LOXL1: variants seen among roughly 807,000 people sequenced by gnomAD.
LOXL1 encodes the protein lysyl oxidase homolog 1.
In LOXL1, 31 loss-of-function variants were observed where a neutral mutation model predicts 62.2. The observed-to-expected ratio is 0.50, with a 90% CI of 0.37 to 0.67. The LOEUF is 0.67. LOXL1 is among the 30% of genes least tolerant of loss of function. LOXL1 has a pLI of 0.00. For synonymous variants in LOXL1, 403 were observed against 384.4 expected (o/e 1.05, Z -0.56); for missense variants, 775 against 843.4 (o/e 0.92, Z 1.00).
chr15:73,938,603 T>C (rs2068692601), intron 1 of LOXL1, among the ~76,000 whole-genome samples: 2 of 152,036 alleles, frequency 1.3e-5, no homozygotes, highest in Admixed American at 6.5e-5. Context: ...CCTAGCTACT[T>C]GGGAAGCTGA....
chr15:73,947,810 C>G lies in LOXL1; in HGVS notation c.1510C>G (p.Leu504Val). Residue 504 changes from leucine to valine, a missense_variant, in exon 5 of 7, where the codon CTG becomes GTG. Leu to Val is a conservative substitution (Grantham distance 32). Coordinates refer to ENST00000261921, the MANE Select transcript of LOXL1 (RefSeq NM_005576.4). ...GCTCCTCTTGTCCCTTTCCCAGGGC[C>G]TGAGCCCAGGCTGCTATGACACCTA... ...RYACTSHTQG[L>V]SPGCYDTYNA... The G allele has an allele frequency of 6.2e-7, 1 of 1,610,212 alleles. No individual in the cohort carries two copies. The highest frequency in any genetic ancestry group is 1.7e-5 in the Admixed American group (1 of 59,706).
chr15:73,942,435 C>G (rs1314966640), intron 1 of LOXL1, among the ~76,000 whole-genome samples: 1 of 152,038 alleles, frequency 6.6e-6, no homozygotes, highest in Non-Finnish European at 1.5e-5. Context: ...GGGCTGCTGT[C>G]CAGAGGCCTG....
rs574239641 is a variant in LOXL1 at position 73,927,919 on chromosome 15, G to T, written c.1102+34G>T. 110 of 1,296,472 alleles carry T rather than the reference G, an allele frequency of 8.5e-5. No individual in the cohort carries two copies. The African/African-American group carries it at 1.6e-3, about 19-fold the overall frequency. 80.3% of individuals were successfully genotyped at this position (1,296,472 alleles called of 1,614,324 possible). Reference sequence around the variant, plus strand: ...GGCCCCGGCGCCCCTCCGGCCGCGCGTACCCCTGGCCACTGGAAACTGCTC... The same window carrying T: ...GGCCCCGGCGCCCCTCCGGCCGCGCTTACCCCTGGCCACTGGAAACTGCTC... On this transcript the variant is annotated intron_variant, in intron 1 of 6. Transcript: ENST00000261921.
chr15:73,931,357 G>A (rs1360499676), intron 1 of LOXL1, among the ~76,000 whole-genome samples: 1 of 152,122 alleles, frequency 6.6e-6, no homozygotes, highest in East Asian at 1.9e-4. Flanking sequence ...TCCCTCTTCA[G>A]TCTGTCCTGC....
intron 2 of LOXL1, among the ~76,000 whole-genome samples, chr15:73,943,455 G>A (rs2068728461): frequency 6.6e-6 from 1 of 152,202 alleles, no homozygotes; most frequent in Non-Finnish European, 1.5e-5. Flanking sequence ...TGTGGCTTTG[G>A]CTGGTCCAGG....
chr15:73,927,589 G>A lies in LOXL1; in HGVS notation c.806G>A (p.Gly269Asp), dbSNP rs1233658421. 2.0e-6 allele frequency: 3 copies of A among 1,502,152 alleles called. No individual in the cohort carries two copies. Among genetic ancestry groups the A allele is most frequent in the Admixed American group, 2.1e-5 (1 of 46,982 alleles). The allele number at this position is 1,502,152 out of a possible 1,614,324, so 93.1% of individuals were successfully genotyped here. A position where few individuals can be genotyped will look rare whatever the true frequency, so the allele number is the denominator to read the frequency against. The change falls in exon 1 of 7, where the codon GGC becomes GAC. Residue 269 changes from glycine (G) to aspartate (D), a missense_variant. Gly to Asp is a moderately conservative substitution (Grantham distance 94). Coordinates refer to ENST00000261921, the MANE Select transcript of LOXL1 (RefSeq NM_005576.4). ...CCGCCGCCGCCGCCGCCCCCCGACGGCCTGGACCGCCGCTACTCGCACAGT... is the reference window on the plus strand; with the variant it reads ...CCGCCGCCGCCGCCGCCCCCCGACGACCTGGACCGCCGCTACTCGCACAGT... ...YVPPPPPPPD[G>D]LDRRYSHSLY...
At chr15:73,928,059 T>A in intron 1 of LOXL1, 174 bp downstream of exon 1, 1 of 501,598 alleles carries the variant, frequency 2.0e-6, no homozygotes, top group Non-Finnish European at 3.2e-6. Flanking sequence ...CCCCCTGGCA[T>A]CTCACCTCCC....
chr15:73,934,814 C>T (rs146641877), intron 1 of LOXL1, among the ~76,000 whole-genome samples: 9 of 152,206 alleles, frequency 5.9e-5, no homozygotes, highest in South Asian at 2.1e-4. Flanking sequence ...TAAGGAAGAT[C>T]GGGAGTGTAG....
intron 1 of LOXL1, among the ~76,000 whole-genome samples, chr15:73,938,817 G>A (rs2068694003): frequency 6.6e-6 from 1 of 152,168 alleles, no homozygotes; most frequent in Non-Finnish European, 1.5e-5. Context: ...GGAGATCAAG[G>A]CTGCAGTTAG....
intron 1 of LOXL1, among the ~76,000 whole-genome samples, chr15:73,938,693 TG>T (rs2068693317): frequency 6.6e-6 from 1 of 152,174 alleles, no homozygotes; most frequent in African/African-American, 2.4e-5. Flanking sequence ...CCTGGGCTGA[TG>T]GTTTCCCCTG....
At chr15:73,947,344 G>A (rs903388340) in intron 4 of LOXL1, 121 bp downstream of exon 4, 2 of 1,127,384 alleles carry the variant, frequency 1.8e-6, no homozygotes, top group Non-Finnish European at 2.5e-6. Context: ...TGCTCACAGT[G>A]AAGGTCTTCT....
At chr15:73,941,917 A>G in intron 1 of LOXL1, 1 of 229,576 alleles carries the variant, frequency 4.4e-6, no homozygotes, top group South Asian at 3.8e-5. Flanking sequence ...AGGAAGGTGG[A>G]GGGGCAGGAA....
rs932027036 is a variant in LOXL1 at position 73,928,625 on chromosome 15, A to C, written c.1102+740A>C. On this transcript the variant is annotated intron_variant, in intron 1 of 6. Transcript: ENST00000261921. ...GCAAAAAAAAAAAAAAAAAAAAAAA[A>C]CCTGTGATAAAGGAAATATCCAGAT... Among the ~76,000 whole-genome samples, 18 of 127,658 alleles carry C rather than the reference A, an allele frequency of 1.4e-4. No homozygotes were observed. In the East Asian group the frequency reaches 2.1e-3, roughly 15 times the overall value. 83.7% of individuals were successfully genotyped at this position (127,658 alleles called of 152,430 possible). A position where few individuals can be genotyped will look rare whatever the true frequency, so the allele number is the denominator to read the frequency against.
intron 1 of LOXL1, among the ~76,000 whole-genome samples, chr15:73,935,636 C>T (rs2068665557): frequency 2.0e-5 from 3 of 152,098 alleles, no homozygotes; most frequent in Admixed American, 2.0e-4. Context: ...AGGAAATGTG[C>T]ATTAGGTGTG....
At chr15:73,943,379 C>A (rs2068727967) in intron 2 of LOXL1, among the ~76,000 whole-genome samples, 1 of 152,166 alleles carries the variant, frequency 6.6e-6, no homozygotes. Context: ...CCAAGGAAGT[C>A]CTATTGGGTG....
rs530941942 is a variant in LOXL1, at chr15:73,951,294, G to A, written c.1719-537G>A. On this transcript the variant is annotated intron_variant, in intron 6 of 6. Coordinates refer to ENST00000261921, the MANE Select transcript of LOXL1 (RefSeq NM_005576.4). Reference sequence around the variant, plus strand: ...CCTCCCAGCTCCCCGGGGGCCTGTGGGCAGCAGGGGGAGCCAAAGCCCTTC... The same window carrying A: ...CCTCCCAGCTCCCCGGGGGCCTGTGAGCAGCAGGGGGAGCCAAAGCCCTTC... Among the ~76,000 whole-genome samples the A allele has an allele frequency of 3.9e-5, 6 of 152,300 alleles. No individual in the cohort carries two copies. In the South Asian group the frequency reaches 1.2e-3, roughly 32 times the overall value.
In LOXL1 at chr15:73,951,867, C is replaced by T. The variant is rs781099798; in HGVS notation, c.*30C>T. ...CGGGAGGGACAGATGGCCAATCTCT[C>T]CCCTTCCAAAGCAGGCCCTGCTCCC... On this transcript the variant is annotated 3_prime_UTR_variant, in exon 7 of 7. Coordinates refer to ENST00000261921, the MANE Select transcript of LOXL1 (RefSeq NM_005576.4). 1.2e-5 allele frequency: 19 copies of T among 1,523,576 alleles called. No homozygotes were observed. In the South Asian group the frequency reaches 2.0e-4, roughly 16 times the overall value. The allele number at this position is 1,523,576 out of a possible 1,614,324, so 94.4% of individuals were successfully genotyped here. A position where few individuals can be genotyped will look rare whatever the true frequency, so the allele number is the denominator to read the frequency against.
intron 5 of LOXL1, among the ~76,000 whole-genome samples, chr15:73,948,781 T>C (rs1203147064): frequency 6.6e-6 from 1 of 152,142 alleles, no homozygotes; most frequent in Non-Finnish European, 1.5e-5. Context: ...ATGTAGGAAG[T>C]CCCCTCTGAG....
chr15:73,940,809 A>G (rs190886154), intron 1 of LOXL1, among the ~76,000 whole-genome samples: 1 of 152,330 alleles, frequency 6.6e-6, no homozygotes, highest in African/African-American at 2.4e-5. Context: ...CAGGAACAGC[A>G]TTGGCCCTCA....
Sources: allele counts gnomAD v4.1 joint callset (sites outside exome capture counted in the v4.1 genomes callset), GRCh38; gene constraint gnomAD v4.1.1; transcripts MANE v1.5; gene names NCBI Gene and HGNC (gene_info 2026-07-23, HGNC 2026-07-21).